Variants in SNX29 observed in about 807,000 individuals in gnomAD.
SNX29 encodes the protein sorting nexin 29, also known as sorting nexin-29.
In SNX29, 78 loss-of-function variants were observed where a neutral mutation model predicts 102.1. The ratio of observed to expected loss-of-function variants is 0.76; its 90% CI spans 0.64 to 0.92. SNX29 has a LOEUF of 0.92. Ranked by LOEUF, SNX29 falls within the 40% of genes least tolerant of loss-of-function variation. The probability of loss-of-function intolerance (pLI) is 0.00; values close to 1 mark genes in which losing one functional copy is unlikely to be tolerated. For synonymous variants in SNX29, 580 were observed against 414.5 expected (o/e 1.40, Z -4.85); for missense variants, 1,280 against 1,061.7 (o/e 1.21, Z -2.86).
intron 14 of SNX29, among the ~76,000 whole-genome samples, chr16:12,273,953 T>C (rs2079168483): frequency 6.6e-6 from 1 of 152,242 alleles, no homozygotes; most frequent in Non-Finnish European, 1.5e-5. Flanking sequence ...CAACCCTGCA[T>C]GGCTAGACCG....
intron 19 of SNX29, among the ~76,000 whole-genome samples, chr16:12,484,249 A>G (rs1008718185): frequency 2.6e-5 from 4 of 151,938 alleles, no homozygotes; most frequent in Non-Finnish European, 4.4e-5. Context: ...CCCCGGCTCC[A>G]GCCATCCTTC....
At chr16:12,222,188 C>G (rs1238071739) in intron 14 of SNX29, among the ~76,000 whole-genome samples, 1 of 152,166 alleles carries the variant, frequency 6.6e-6, no homozygotes, top group Non-Finnish European at 1.5e-5. Context: ...TGCCCAAGGT[C>G]ACAGAGCAAA....
intron 20 of SNX29, among the ~76,000 whole-genome samples, chr16:12,532,199 A>G (rs1020927556): frequency 7.2e-5 from 11 of 152,358 alleles, no homozygotes; most frequent in Admixed American, 3.3e-4. Context: ...ATTCTTGCAA[A>G]TAAATACTAA....
chr16:12,210,586 C>T (rs975608206), intron 14 of SNX29, among the ~76,000 whole-genome samples: 1 of 151,984 alleles, frequency 6.6e-6, no homozygotes, highest in African/African-American at 2.4e-5. Flanking sequence ...CTGAAGCTCC[C>T]TCTCCCTCTG....
chr16:12,376,033 A>AAAC (rs2082862503), intron 16 of SNX29: 1 of 11,514 alleles, frequency 8.7e-5, no homozygotes, highest in Admixed American at 1.1e-3. Flanking sequence ...ACTCCGTCTC[A>AAAC]AAAAAAAAAA....
intron 18 of SNX29, among the ~76,000 whole-genome samples, chr16:12,457,102 A>T (rs1167892740): frequency 3.9e-5 from 6 of 152,312 alleles, no homozygotes; most frequent in African/African-American, 1.4e-4. Flanking sequence ...AAGTAGCAAT[A>T]CATTCAGGGC....
intron 19 of SNX29, among the ~76,000 whole-genome samples, chr16:12,488,025 G>A (rs948391444): frequency 6.6e-6 from 1 of 152,174 alleles, no homozygotes; most frequent in Admixed American, 6.5e-5. Flanking sequence ...AGAGACCTTG[G>A]TGAGCTTCAG....
chr16:12,394,964 G>A (rs1176618492), intron 16 of SNX29, among the ~76,000 whole-genome samples: 1 of 152,124 alleles, frequency 6.6e-6, no homozygotes, highest in African/African-American at 2.4e-5. Context: ...AGTGAGGGTA[G>A]CTCCAATGAC....
intron 18 of SNX29, among the ~76,000 whole-genome samples, chr16:12,470,345 C>T (rs897865254): frequency 2.0e-5 from 3 of 152,158 alleles, no homozygotes; most frequent in Admixed American, 2.0e-4. Context: ...GAGTTCTCAC[C>T]GCCTTCATGT....
At chr16:12,537,469 C>T (rs1006982901) in intron 20 of SNX29, among the ~76,000 whole-genome samples, 2 of 149,138 alleles carry the variant, frequency 1.3e-5, no homozygotes, top group African/African-American at 4.9e-5. Context: ...TCAGCATCCT[C>T]ATCTATAAAA....
chr16:12,354,411 C>A (rs11861545), intron 15 of SNX29, among the ~76,000 whole-genome samples: 17,166 of 152,176 alleles, frequency 0.11, 2,202 homozygotes, highest in African/African-American at 0.32. Context: ...TGTGGAAGAG[C>A]ACCAGGGTTT....
At chr16:12,112,029 A>C (rs1210141006) in intron 11 of SNX29, among the ~76,000 whole-genome samples, 12 of 152,186 alleles carry the variant, frequency 7.9e-5, no homozygotes, top group Admixed American at 5.2e-4. Flanking sequence ...CAGAGGATGC[A>C]CACAGAGGTT....
intron 17 of SNX29, among the ~76,000 whole-genome samples, chr16:12,401,286 A>G (rs1298118144): frequency 1.3e-5 from 2 of 152,138 alleles, no homozygotes; most frequent in African/African-American, 2.4e-5. Flanking sequence ...ATGTTAGGCC[A>G]CAAAACCAGT....
chr16:12,349,320 C>T (rs1160975061), intron 15 of SNX29, among the ~76,000 whole-genome samples: 1 of 152,222 alleles, frequency 6.6e-6, no homozygotes, highest in Admixed American at 6.5e-5. Context: ...AGAGCTATGG[C>T]TACTAGAATT....
intron 18 of SNX29, among the ~76,000 whole-genome samples, chr16:12,452,860 A>T (rs1366715865): frequency 6.6e-6 from 1 of 152,184 alleles, no homozygotes; most frequent in Admixed American, 6.5e-5. Flanking sequence ...GTTGGGTTTT[A>T]AAATAAAATT....
chr16:12,566,681 G>A (rs1319165805), intron 20 of SNX29, among the ~76,000 whole-genome samples: 3 of 107,944 alleles, frequency 2.8e-5, no homozygotes, highest in African/African-American at 7.5e-5. Flanking sequence ...CAGGGATAAA[G>A]AGGCTCTTCG....
At chr16:12,448,606 C>A (rs964585860) in intron 18 of SNX29, among the ~76,000 whole-genome samples, 1 of 152,056 alleles carries the variant, frequency 6.6e-6, no homozygotes, top group African/African-American at 2.4e-5. Flanking sequence ...GAGAAAAGAG[C>A]AGATGACTTC....
At chr16:12,140,526 T>A (rs2054833155) in intron 13 of SNX29, among the ~76,000 whole-genome samples, 1 of 152,094 alleles carries the variant, frequency 6.6e-6, no homozygotes, top group Non-Finnish European at 1.5e-5. Flanking sequence ...CCCATCAGAT[T>A]GGGGGTGCAT....
rs1442281883 is a variant in SNX29 at position 12,032,070 on chromosome 16, C to G, written c.247+4626C>G. ...ATTCTACTTTCTGCCTCAGTGCATT[C>G]TACTACTTTAGGTTCCTTGTACCAA... On this transcript the variant is annotated intron_variant, in intron 4 of 20. Transcript: ENST00000566228. Among the ~76,000 whole-genome samples, 5 of 152,248 alleles carry G rather than the reference C, an allele frequency of 3.3e-5. No homozygotes were observed. In the South Asian group the frequency reaches 1.0e-3, roughly 32 times the overall value.
Sources: gnomAD v4.1 joint callset for allele counts (sites outside exome capture counted in the v4.1 genomes callset) on GRCh38, gnomAD v4.1.1 for gene constraint, MANE v1.5 for transcripts, NCBI Gene and HGNC (gene_info 2026-07-23, HGNC 2026-07-21) for gene names.